Variants in GPR179 observed in about 807,000 individuals in gnomAD.
GPR179 encodes probable G protein-coupled receptor 179.
Under a neutral mutation model 70.8 loss-of-function variants are expected in GPR179, and 52 were observed. The ratio of observed to expected loss-of-function variants is 0.73; its 90% CI spans 0.59 to 0.93. The LOEUF (loss-of-function observed/expected upper bound fraction) is 0.93, where lower values mean the gene tolerates loss of function less well. Ranked by LOEUF, GPR179 falls within the 40% of genes least tolerant of loss-of-function variation. The pLI is 0.00. For missense variants in GPR179, 2,734 were observed against 2,966.8 expected, an observed-to-expected ratio of 0.92 and a Z score of 1.82; for synonymous variants, 1,123 against 1,169.0, an observed-to-expected ratio of 0.96 and a Z score of 0.80.
In GPR179 at chr17:38,343,215, A is replaced by G. The variant is rs766442129; in HGVS notation, c.575T>C (p.Leu192Pro). The change falls in exon 1 of 11, where the codon CTG becomes CCG. Residue 192 changes from leucine to proline, a missense_variant. Transcript: ENST00000616987. This position sits in a 1 kb window ranked among gnomAD's most constrained non-coding sequence, Gnocchi z 4.2. ...WVQEENPPGD[L>P]DTPALKKRVL... ...TCGCTTCTTCAGGGCAGGGGTGTCC[A>G]GGTCCCCAGGAGGGTTCTCCTCCTG... The G allele has an allele frequency of 6.2e-7, 1 of 1,614,090 alleles. No individual in the cohort carries two copies. The highest frequency in any genetic ancestry group is 2.2e-5 in the East Asian group (1 of 44,870).
In GPR179 at chr17:38,329,391, T is replaced by G; in HGVS notation, c.4178A>C (p.Lys1393Thr). The G allele has an allele frequency of 1.2e-6, 2 of 1,614,082 alleles. No homozygotes were observed. The highest frequency in any genetic ancestry group is 8.5e-7 in the Non-Finnish European group (1 of 1,179,988). The change falls in exon 11 of 11, where the codon AAA (lysine) becomes ACA (threonine). Residue 1393 changes from lysine to threonine, a missense_variant. Lys to Thr is a moderately conservative substitution (Grantham distance 78). Coordinates refer to ENST00000616987, the MANE Select transcript of GPR179 (RefSeq NM_001004334.4). The part of the protein sequence containing the change: ...WEASEGGEDG[K>T]PAQEAVKDLP... ...ATCCTTCACTGCCTCTTGGGCTGGT[T>G]TCCCATCCTCGCCTCCTTCACTTGC...
intron 6 of GPR179, 112 bp downstream of exon 6, chr17:38,335,479 G>T: frequency 1.2e-6 from 1 of 847,130 alleles, no homozygotes; most frequent in Non-Finnish European, 1.9e-6. Context: ...GGCCTTGGGG[G>T]TAGAGGGGAG....
intron 1 of GPR179, 141 bp from the exon 2 acceptor site, chr17:38,339,666 T>C: frequency 1.6e-6 from 1 of 637,086 alleles, no homozygotes; most frequent in East Asian, 2.8e-5. Context: ...TAAAGGAGAT[T>C]AGAAGGGTTC....
Position 38,337,691 on chromosome 17 carries a change from A to T in GPR179, c.933T>A (p.Val311=). The part of the protein sequence containing the change: ...QCVPLESQGF[V]LGRYLCRCRP... ...GGCAGCGGCAGAGGTAGCGGCCAAGAACAAAGCCCTGACTCTCCAGGGGGA... is the reference window on the plus strand; with the variant it reads ...GGCAGCGGCAGAGGTAGCGGCCAAGTACAAAGCCCTGACTCTCCAGGGGGA... Residue 311 remains valine, a synonymous_variant, in exon 3 of 11, where the codon GTT becomes GTA. Transcript: ENST00000616987. The T allele has an allele frequency of 6.2e-7, 1 of 1,613,822 alleles. No homozygotes were observed. Among genetic ancestry groups the T allele is most frequent in the Non-Finnish European group, 8.5e-7 (1 of 1,179,876 alleles).
In GPR179 at chr17:38,339,543, C is replaced by G. The variant is rs773630210; in HGVS notation, c.795-18G>C. On this transcript the variant is annotated intron_variant, in intron 1 of 10. Coordinates refer to ENST00000616987, the MANE Select transcript of GPR179 (RefSeq NM_001004334.4). ...CCTGCCCCCTACGGCAGTGAATTGG[C>G]AATTAGGGGCACAGTGATTGATGCC... is the stretch of plus-strand genomic sequence containing the variant. The G allele has an allele frequency of 6.4e-7, 1 of 1,557,806 alleles. No homozygotes were observed.
chr17:38,333,677 A>T (rs965082991), intron 9 of GPR179, among the ~76,000 whole-genome samples: 1 of 152,106 alleles, frequency 6.6e-6, no homozygotes, highest in African/African-American at 2.4e-5. Flanking sequence ...AGATTTTCAG[A>T]GTGTGCCAAC....
chr17:38,338,734 T>A (rs1188529645), intron 2 of GPR179, among the ~76,000 whole-genome samples: 1 of 152,198 alleles, frequency 6.6e-6, no homozygotes, highest in Non-Finnish European at 1.5e-5. Context: ...TTGGCTCAGC[T>A]CAGGAACAAG....
chr17:38,333,357 T>C lies in GPR179; in HGVS notation c.1931A>G (p.Asp644Gly), dbSNP rs966973596. 6 of 1,613,764 alleles carry C rather than the reference T, an allele frequency of 3.7e-6. No individual in the cohort carries two copies. The highest frequency in any genetic ancestry group is 5.1e-6 in the Non-Finnish European group (6 of 1,179,948). ...GTCCAGCTCGTCCTCACACACCTCA[T>C]CCACCATCTCCTCCCGGGGAGGAGC... ...LGAPPREEMV[D>G]EVCEDELDLQ... The change falls in exon 10 of 11, where the codon GAT becomes GGT. Residue 644 changes from aspartate (D) to glycine (G), a missense_variant. By Grantham distance (94) the Asp-to-Gly change is moderately conservative. Transcript: ENST00000616987.
chr17:38,329,246 G>A lies in GPR179; in HGVS notation c.4323C>T (p.Val1441=). Residue 1441 remains valine, a synonymous_variant, in exon 11 of 11, where the codon GTC becomes GTT. Transcript: ENST00000616987. ...ESTDFRGPSA[V]SIQAPGSSEC... is the part of the protein sequence containing the mutation. ...CTGAGCTTCCTGGGGCCTGAATTGA[G>A]ACTGCTGAGGGGCCCCGGAAATCTG... The A allele has an allele frequency of 6.2e-7, 1 of 1,613,736 alleles. No homozygotes were observed. The highest frequency in any genetic ancestry group is 8.5e-7 in the Non-Finnish European group (1 of 1,179,814).
chr17:38,335,121 G>A lies in GPR179; in HGVS notation c.1557C>T (p.His519=), dbSNP rs970316026. The change falls in exon 7 of 11, where the codon CAC becomes CAT. Residue 519 remains histidine (H), a synonymous_variant. Coordinates refer to ENST00000616987, the MANE Select transcript of GPR179 (RefSeq NM_001004334.4). ...TVGALERGIQ[H]APLVIRGHTP... ...TGTGGCCTCGGATCACCAGAGGTGC[G>A]TGCTGGATGCCTCGCTCCAGGGCGC... 65 of 1,608,276 alleles carry A rather than the reference G, an allele frequency of 4.0e-5. No individual in the cohort carries two copies. The highest frequency in any genetic ancestry group is 1.3e-4 in the East Asian group (6 of 44,616).
chr17:38,327,076 T>C lies in GPR179; in HGVS notation c.6493A>G (p.Thr2165Ala), dbSNP rs765784093. ...MFLQKAGPGG[T>A]EEHFSKAAAK... is the part of the protein sequence containing the mutation. Reference sequence around the variant, plus strand: ...GCTGCTTTTGAGAAGTGTTCTTCCGTCCCTCCAGGTCCTGCCTTCTGAAGG... The same window carrying C: ...GCTGCTTTTGAGAAGTGTTCTTCCGCCCCTCCAGGTCCTGCCTTCTGAAGG... Residue 2165 changes from threonine to alanine, a missense_variant, in exon 11 of 11, where the codon ACG (threonine) becomes GCG (alanine). Coordinates refer to ENST00000616987, the MANE Select transcript of GPR179 (RefSeq NM_001004334.4). The C allele has an allele frequency of 9.9e-6, 16 of 1,614,080 alleles. No individual in the cohort carries two copies. The highest frequency in any genetic ancestry group is 1.4e-5 in the Non-Finnish European group (16 of 1,180,042).
rs983971062 is a variant in GPR179 at position 38,339,591 on chromosome 17, C to T, written c.795-66G>A. The T allele has an allele frequency of 1.4e-5, 16 of 1,149,890 alleles. No homozygotes were observed. In the Middle Eastern group the frequency reaches 6.1e-4, roughly 44 times the overall value. 71.2% of individuals were successfully genotyped at this position (1,149,890 alleles called of 1,614,324 possible). On this transcript the variant is annotated intron_variant, in intron 1 of 10. Coordinates refer to ENST00000616987, the MANE Select transcript of GPR179 (RefSeq NM_001004334.4). ...GCCAAAGTGGACGTGTGTCCCTGGG[C>T]GTTGTTGGGGCCCAGAAAATGATGC... is the stretch of plus-strand genomic sequence containing the variant.
In GPR179 at chr17:38,327,339, C is replaced by G. The variant is rs1232396371; in HGVS notation, c.6230G>C (p.Trp2077Ser). The change falls in exon 11 of 11, where the codon TGG (tryptophan) becomes TCG (serine). Residue 2077 changes from tryptophan (W) to serine (S), a missense_variant. Transcript: ENST00000616987. ...CAGACCCTTGCCATCTTGACTCTCC[C>G]AGGGACACACAGCCTCCTGCTGCCT... ...DFRQQEAVCPWESQDGKGLSP... is the reference protein window; with the variant it reads ...DFRQQEAVCPSESQDGKGLSP... The G allele has an allele frequency of 9.9e-6, 16 of 1,614,250 alleles. No homozygotes were observed. Among genetic ancestry groups the G allele is most frequent in the Non-Finnish European group, 1.4e-5 (16 of 1,180,046 alleles).
chr17:38,336,028 C>T (rs772685851), intron 5 of GPR179, 48 bp downstream of exon 5: 1 of 1,368,544 alleles, frequency 7.3e-7, no homozygotes, highest in South Asian at 1.2e-5. Flanking sequence ...CAGGTTTTGG[C>T]TATGGGGGAT....
Position 38,331,400 on chromosome 17 carries a change from C to G in GPR179, c.2169G>C (p.Leu723=). The change falls in exon 11 of 11, where the codon CTG becomes CTC. Residue 723 remains leucine (L), a synonymous_variant. Transcript: ENST00000616987. ...QGLGRSFMRY[L]AEFPEALARQ... Reference sequence around the variant, plus strand: ...TGGCCAGGGCCTCGGGGAATTCCGCCAGGTACCTCATGAAGGAGCGGCCCA... The same window carrying G: ...TGGCCAGGGCCTCGGGGAATTCCGCGAGGTACCTCATGAAGGAGCGGCCCA... The G allele has an allele frequency of 6.2e-7, 1 of 1,614,110 alleles. No homozygotes were observed.
intron 10 of GPR179, among the ~76,000 whole-genome samples, chr17:38,331,793 A>G (rs1393510887): frequency 6.6e-6 from 1 of 152,068 alleles, no homozygotes; most frequent in Non-Finnish European, 1.5e-5. Context: ...TCTAGTGGGA[A>G]GTTAGTAGCT....
chr17:38,341,212 T>C (rs2037446510), intron 1 of GPR179, among the ~76,000 whole-genome samples: 2 of 152,214 alleles, frequency 1.3e-5, no homozygotes, highest in African/African-American at 4.8e-5. Flanking sequence ...ACTAGGTTGT[T>C]CTCTCCACCC....
At chr17:38,338,032 G>A (rs1365357582) in intron 2 of GPR179, among the ~76,000 whole-genome samples, 2 of 152,244 alleles carry the variant, frequency 1.3e-5, no homozygotes, top group Admixed American at 1.3e-4. Flanking sequence ...GCTCTTGCTA[G>A]GGCAAGGTAC....
chr17:38,327,361 G>T lies in GPR179; in HGVS notation c.6208C>A (p.Gln2070Lys). 1 of 1,614,174 alleles carries T rather than the reference G, an allele frequency of 6.2e-7. No homozygotes were observed. Among genetic ancestry groups the T allele is most frequent in the Non-Finnish European group, 8.5e-7 (1 of 1,180,028 alleles). The stretch of plus-strand genomic sequence containing the variant: ...TCCCAGGGACACACAGCCTCCTGCT[G>T]CCTGAAGTCTGCCATCTCTGGCTTT... The part of the protein sequence containing the change: ...QKKPEMADFR[Q>K]QEAVCPWESQ... The change falls in exon 11 of 11, where the codon CAG becomes AAG. Residue 2070 changes from glutamine (Q) to lysine (K), a missense_variant. Transcript: ENST00000616987.
Sources: gnomAD v4.1 joint callset for allele counts (sites outside exome capture counted in the v4.1 genomes callset) on GRCh38, gnomAD v4.1.1 for gene constraint, Gnocchi (gnomAD v3.1) non-coding constraint, MANE v1.5 for transcripts, NCBI Gene and HGNC (gene_info 2026-07-23, HGNC 2026-07-21) for gene names.